FBXO15: variants seen among roughly 807,000 people sequenced by gnomAD.
FBXO15 encodes F-box only protein 15.
FBXO15 carries 30 observed loss-of-function variants against 49.5 expected under a neutral mutation model. The observed-to-expected ratio is 0.61, with a 90% CI of 0.45 to 0.82. The LOEUF is 0.82. Ranked by LOEUF, FBXO15 falls within the 40% of genes least tolerant of loss-of-function variation. FBXO15 has a pLI of 0.00. For missense variants in FBXO15, 591 were observed against 631.5 expected (o/e 0.94, Z 0.69); for synonymous variants, 250 against 232.7 (o/e 1.07, Z -0.68).
At chr18:74,114,679 ACTT>A (rs1304541490) in intron 8 of FBXO15, among the ~76,000 whole-genome samples, 1 of 152,178 alleles carries the variant, frequency 6.6e-6, no homozygotes, top group Non-Finnish European at 1.5e-5. Context: ...CTTCATCTAA[ACTT>A]CTTTTTAACT....
chr18:74,131,951 A>C (rs921535228), intron 3 of FBXO15, among the ~76,000 whole-genome samples: 2 of 152,166 alleles, frequency 1.3e-5, no homozygotes, highest in African/African-American at 4.8e-5. Context: ...CAAACACGTG[A>C]CTTTGGAACA....
At chr18:74,107,470 T>G (rs878975446) in intron 8 of FBXO15, among the ~76,000 whole-genome samples, 2 of 152,178 alleles carry the variant, frequency 1.3e-5, no homozygotes, top group Admixed American at 1.3e-4. Context: ...AATCAAGTCT[T>G]GTTAGATCTA....
intron 8 of FBXO15, among the ~76,000 whole-genome samples, chr18:74,122,194 T>A (rs1914504934): frequency 1.3e-5 from 2 of 152,196 alleles, no homozygotes; most frequent in South Asian, 4.1e-4. Flanking sequence ...CCTTTTCTAA[T>A]AAAATTACTG....
chr18:74,079,337 T>C (rs1227586642), intron 9 of FBXO15, among the ~76,000 whole-genome samples: 1 of 152,202 alleles, frequency 6.6e-6, no homozygotes, highest in Non-Finnish European at 1.5e-5. Context: ...TGTTTCAACA[T>C]GACTTTGTAA....
rs1472034553 is a variant in FBXO15 at position 74,081,940 on chromosome 18, T to C, written c.1250A>G (p.Asp417Gly). The C allele has an allele frequency of 6.2e-7, 1 of 1,611,944 alleles. No homozygotes were observed. Among genetic ancestry groups the C allele is most frequent in the African/African-American group, 1.3e-5 (1 of 74,794 alleles). The part of the protein sequence containing the change: ...VGLSWKTDIF[D>G]GCIKSCSMMD... ...TTCTGTTTTTACCTTTATACAGCCA[T>C]CAAAAATATCAGTTTTCCACGAGAG... The change falls in exon 9 of 10, where the codon GAT becomes GGT. Residue 417 changes from aspartate to glycine, a missense_variant. Coordinates refer to ENST00000419743, the MANE Select transcript of FBXO15 (RefSeq NM_001142958.2).
In FBXO15 at chr18:74,147,732, C is replaced by G; in HGVS notation, c.54G>C (p.Thr18=). The change falls in exon 1 of 10, where the codon ACG becomes ACC. Residue 18 remains threonine (T), a synonymous_variant. Coordinates refer to ENST00000419743, the MANE Select transcript of FBXO15 (RefSeq NM_001142958.2). ...ILQQHWLGLQ[T]LRGPSRGGGA... is the part of the protein sequence containing the mutation. ...CACCGCCCCTGCTGGGCCCGCGCAG[C>G]GTCTGGAGGCCGAGCCAGTGCTGCT... The G allele has an allele frequency of 1.3e-6, 2 of 1,536,104 alleles. No individual in the cohort carries two copies. Among genetic ancestry groups the G allele is most frequent in the Non-Finnish European group, 1.7e-6 (2 of 1,143,230 alleles).
intron 8 of FBXO15, among the ~76,000 whole-genome samples, chr18:74,094,644 C>T (rs151106851): frequency 3.9e-5 from 6 of 152,290 alleles, no homozygotes; most frequent in Non-Finnish European, 8.8e-5. Flanking sequence ...GCTGTCATCT[C>T]GGCTGTGTTG....
At chr18:74,142,663 C>G (rs952056108) in intron 1 of FBXO15, among the ~76,000 whole-genome samples, 1 of 152,142 alleles carries the variant, frequency 6.6e-6, no homozygotes, top group Non-Finnish European at 1.5e-5. Flanking sequence ...TGTGCCTCTT[C>G]TTATAAGGAT....
intron 5 of FBXO15, among the ~76,000 whole-genome samples, chr18:74,128,916 G>A (rs763269240): frequency 2.0e-5 from 3 of 152,224 alleles, no homozygotes; most frequent in Non-Finnish European, 2.9e-5. Context: ...CCAGTATAAC[G>A]ATCATTCCAT....
At chr18:74,113,948 T>C (rs1031714893) in intron 8 of FBXO15, among the ~76,000 whole-genome samples, 3 of 152,132 alleles carry the variant, frequency 2.0e-5, no homozygotes, top group Non-Finnish European at 2.9e-5. Context: ...ATGCTGAAAA[T>C]AGTTCACACA....
In FBXO15 at chr18:74,092,029, G is replaced by A. The variant is rs540687440; in HGVS notation, c.1139-9978C>T. On this transcript the variant is annotated intron_variant, in intron 8 of 9. Coordinates refer to ENST00000419743, the MANE Select transcript of FBXO15 (RefSeq NM_001142958.2). ...CTTTCAGGGAGGCCGATGCATCGTAGATTTGGTCTCTTTAATCCCATATTT... is the reference window on the plus strand; with the variant it reads ...CTTTCAGGGAGGCCGATGCATCGTAAATTTGGTCTCTTTAATCCCATATTT... Among the ~76,000 whole-genome samples, 6 of 152,272 alleles carry A rather than the reference G, an allele frequency of 3.9e-5. No individual in the cohort carries two copies. The East Asian group carries it at 1.2e-3, about 29-fold the overall frequency.
At chr18:74,082,146 C>G in intron 8 of FBXO15, 95 bp from the exon 9 acceptor site, 8 of 1,329,676 alleles carry the variant, frequency 6.0e-6, no homozygotes, top group Non-Finnish European at 8.3e-6. Flanking sequence ...ATACCTCACC[C>G]TGGTAAGCCC....
intron 9 of FBXO15, among the ~76,000 whole-genome samples, chr18:74,079,686 T>C (rs1912405275): frequency 6.6e-6 from 1 of 152,188 alleles, no homozygotes; most frequent in Non-Finnish European, 1.5e-5. Context: ...CCACATAAAC[T>C]TATGATCTGT....
intron 8 of FBXO15, among the ~76,000 whole-genome samples, chr18:74,092,987 A>G (rs1913110584): frequency 6.6e-6 from 1 of 152,130 alleles, no homozygotes; most frequent in Non-Finnish European, 1.5e-5. Context: ...ATTCACACCC[A>G]CAGCTGTGTT....
At chr18:74,081,828 C>A in intron 9 of FBXO15, 99 bp downstream of exon 9, 3 of 852,330 alleles carry the variant, frequency 3.5e-6, no homozygotes, top group Non-Finnish European at 5.0e-6. Flanking sequence ...ATAAAAGAAA[C>A]ATCATACATA....
At chr18:74,119,131 C>T (rs567452407) in intron 8 of FBXO15, among the ~76,000 whole-genome samples, 1 of 152,314 alleles carries the variant, frequency 6.6e-6, no homozygotes, top group South Asian at 2.1e-4. Context: ...TTTGGTCCCA[C>T]AAGAAGGGCC....
intron 8 of FBXO15, among the ~76,000 whole-genome samples, chr18:74,116,739 C>A (rs1914249291): frequency 6.6e-6 from 1 of 152,152 alleles, no homozygotes; most frequent in Admixed American, 6.5e-5. Flanking sequence ...CTCTCTCTGT[C>A]CCTAACCCTA....
At chr18:74,125,843 G>C in intron 6 of FBXO15, 132 bp downstream of exon 6, 1 of 1,259,110 alleles carries the variant, frequency 7.9e-7, no homozygotes, top group Non-Finnish European at 1.1e-6. Flanking sequence ...AATGAAGTTG[G>C]TGAGATGGTA....
chr18:74,095,994 T>C (rs1172986559), intron 8 of FBXO15, among the ~76,000 whole-genome samples: 1 of 152,018 alleles, frequency 6.6e-6, no homozygotes, highest in Non-Finnish European at 1.5e-5. Flanking sequence ...GGATTTCACA[T>C]CTGTGACACC....
Sources: gnomAD v4.1 joint callset for allele counts (sites outside exome capture counted in the v4.1 genomes callset) on GRCh38, gnomAD v4.1.1 for gene constraint, MANE v1.5 for transcripts, NCBI Gene and HGNC (gene_info 2026-07-23, HGNC 2026-07-21) for gene names.